BEND3: variants seen among roughly 807,000 people sequenced by gnomAD.
The protein encoded by BEND3 is BEN domain-containing protein 3.
A neutral mutation model predicts 60.1 loss-of-function variants in BEND3; 13 were observed. The ratio of observed to expected loss-of-function variants is 0.22; its 90% CI spans 0.14 to 0.34. The LOEUF (loss-of-function observed/expected upper bound fraction) is 0.34. BEND3 is among the 10% of genes least tolerant of loss of function. BEND3 has a pLI of 1.00. For synonymous variants in BEND3, 497 were observed against 491.5 expected, an observed-to-expected ratio of 1.01 and a Z score of -0.15; for missense variants, 896 against 1,138.1, an observed-to-expected ratio of 0.79 and a Z score of 3.06.
At chr6:107,096,093 C>A (rs1775579361) in intron 3 of BEND3, among the ~76,000 whole-genome samples, 1 of 152,116 alleles carries the variant, frequency 6.6e-6, no homozygotes, top group Non-Finnish European at 1.5e-5. Context: ...ATCTGGTATA[C>A]AATGTTGACA....
intron 3 of BEND3, among the ~76,000 whole-genome samples, chr6:107,089,591 A>G (rs1554234853): frequency 8.0e-6 from 1 of 125,182 alleles, no homozygotes; most frequent in African/African-American, 2.8e-5. Context: ...GTCTCGAAAA[A>G]AAAAAAGGAT....
chr6:107,081,027 T>C (rs557806301), intron 3 of BEND3, among the ~76,000 whole-genome samples: 1 of 152,218 alleles, frequency 6.6e-6, no homozygotes, highest in South Asian at 2.1e-4. Flanking sequence ...AGAGGCAGGA[T>C]CATTGCAGCC....
At position 107,098,652 on chromosome 6, in the gene BEND3, C is replaced by A. The variant is rs150917358; in HGVS notation, c.139G>T (p.Val47Phe). 2 of 1,613,858 alleles carry A rather than the reference C, an allele frequency of 1.2e-6. No individual in the cohort carries two copies. The highest frequency in any genetic ancestry group is 1.7e-6 in the Non-Finnish European group (2 of 1,180,034). The change falls in exon 3 of 4, where the codon GTC becomes TTC. Residue 47 changes from valine to phenylalanine, a missense_variant. Physicochemically the swap from Val to Phe is conservative, Grantham distance 50 (BLOSUM62 -1). Transcript: ENST00000369042. The part of the protein sequence containing the change: ...RTSEKHSVDS[V>F]LTALQDSSKR... ...CTGGAGTCCTGCAGGGCAGTGAGGA[C>A]GCTGTCCACAGAGTGCTTCTCAGAA...
chr6:107,098,987 T>C (rs1775648131), intron 2 of BEND3, among the ~76,000 whole-genome samples: 1 of 152,144 alleles, frequency 6.6e-6, no homozygotes, highest in Non-Finnish European at 1.5e-5. Flanking sequence ...GGTTTAAACA[T>C]CTTTTTTTGG....
At chr6:107,112,096 T>C (rs1175532841) in intron 1 of BEND3, among the ~76,000 whole-genome samples, 2 of 152,190 alleles carry the variant, frequency 1.3e-5, no homozygotes, top group African/African-American at 4.8e-5. Flanking sequence ...CTTCATACTC[T>C]ATGCTTCTAC....
intron 3 of BEND3, among the ~76,000 whole-genome samples, chr6:107,073,638 C>T (rs1349209879): frequency 3.3e-5 from 5 of 152,100 alleles, no homozygotes; most frequent in Admixed American, 6.5e-5. Context: ...GTGGCTCACA[C>T]CTGTAATCCC....
At chr6:107,073,115 T>A (rs906554400) in intron 3 of BEND3, among the ~76,000 whole-genome samples, 4 of 149,638 alleles carry the variant, frequency 2.7e-5, no homozygotes, top group African/African-American at 9.8e-5. Flanking sequence ...GAAAAACTAC[T>A]CCCTTAGTGA....
intron 3 of BEND3, among the ~76,000 whole-genome samples, chr6:107,082,039 A>G (rs563422563): frequency 3.2e-4 from 49 of 152,186 alleles, no homozygotes; most frequent in African/African-American, 1.1e-3. Context: ...ACTCCCTCCC[A>G]CCTTTGTGTG....
intron 3 of BEND3, among the ~76,000 whole-genome samples, chr6:107,088,611 C>A (rs1207289185): frequency 6.6e-6 from 1 of 152,002 alleles, no homozygotes; most frequent in African/African-American, 2.4e-5. Flanking sequence ...AGGTGGGGAA[C>A]AAAACACTTT....
At chr6:107,076,500 G>A (rs1016702530) in intron 3 of BEND3, among the ~76,000 whole-genome samples, 6 of 152,218 alleles carry the variant, frequency 3.9e-5, no homozygotes, top group Non-Finnish European at 5.9e-5. Flanking sequence ...TGGGTTACAA[G>A]TGAGGGGTAA....
At chr6:107,088,901 T>G (rs1241427226) in intron 3 of BEND3, among the ~76,000 whole-genome samples, 1 of 152,088 alleles carries the variant, frequency 6.6e-6, no homozygotes, top group Non-Finnish European at 1.5e-5. Context: ...ACACCTATAA[T>G]CTTACCACTT....
At position 107,068,522 on chromosome 6, in the gene BEND3, T is replaced by C. The variant is rs1279395022; in HGVS notation, c.*182A>G. ...AAGTTGTAAGTACAAGAGACCAAACTCAAGGCTTCTTTCTTGCGGTTGGGT... is the reference window on the plus strand; with the variant it reads ...AAGTTGTAAGTACAAGAGACCAAACCCAAGGCTTCTTTCTTGCGGTTGGGT... On this transcript the variant is annotated 3_prime_UTR_variant, in exon 4 of 4. Transcript: ENST00000369042. This position sits in a 1 kb window ranked among gnomAD's most constrained non-coding sequence, Gnocchi z 5.8. 1 of 687,820 alleles carries C rather than the reference T, an allele frequency of 1.5e-6. No individual in the cohort carries two copies. Among genetic ancestry groups the C allele is most frequent in the Non-Finnish European group, 2.4e-6 (1 of 422,432 alleles). The allele number at this position is 687,820 out of a possible 1,614,324, so 42.6% of individuals were successfully genotyped here.
intron 3 of BEND3, among the ~76,000 whole-genome samples, chr6:107,082,852 C>G (rs1337380867): frequency 6.6e-6 from 1 of 152,182 alleles, no homozygotes; most frequent in African/African-American, 2.4e-5. Context: ...TACTTGAAAA[C>G]TTGAAGTGAG....
At chr6:107,072,873 A>T (rs1775012510) in intron 3 of BEND3, among the ~76,000 whole-genome samples, 1 of 152,046 alleles carries the variant, frequency 6.6e-6, no homozygotes, top group Admixed American at 6.5e-5. Flanking sequence ...CTGTAGTCCC[A>T]GCTACTCAGG....
chr6:107,104,664 G>C lies in BEND3; in HGVS notation c.-11-5368C>G, dbSNP rs1314153626. On this transcript the variant is annotated intron_variant, in intron 1 of 3. Coordinates refer to ENST00000369042, the MANE Select transcript of BEND3 (RefSeq NM_001367314.1). The stretch of plus-strand genomic sequence containing the variant: ...TTTTTTCGTGGTGTAATTTTTTACT[G>C]GTTTTTCTTTTGGATTTTTTTTTTT... Among the ~76,000 whole-genome samples the C allele has an allele frequency of 2.0e-5, 3 of 151,208 alleles. No individual in the cohort carries two copies. In the East Asian group the frequency reaches 5.9e-4, roughly 29 times the overall value.
chr6:107,106,165 A>G (rs1401474663), intron 1 of BEND3: 1 of 152,244 alleles, frequency 6.6e-6, no homozygotes, highest in East Asian at 1.9e-4. Context: ...AATTAAACCT[A>G]GAAGAGGGGG....
Position 107,070,302 on chromosome 6 carries a change from G to A in BEND3, c.889C>T (p.Arg297Cys), listed in dbSNP as rs781925980. ...TGCAGGTGCAGCGACTCCAGCTTGC[G>A]CTTGGCCGCAAAGCCACAGGCACTG... Reference protein sequence around the residue: ...GCSACGFAAKRKLESLHLQLI... With the variant: ...GCSACGFAAKCKLESLHLQLI... Residue 297 changes from arginine (R) to cysteine (C), a missense_variant, in exon 4 of 4, where the codon CGC becomes TGC. Coordinates refer to ENST00000369042, the MANE Select transcript of BEND3 (RefSeq NM_001367314.1). The surrounding 1 kb of genome is among the most constrained non-coding windows in gnomAD (Gnocchi z 6.9). The A allele has an allele frequency of 2.0e-5, 32 of 1,612,928 alleles. No homozygotes were observed. Among genetic ancestry groups the A allele is most frequent in the South Asian group, 1.8e-4 (16 of 91,076 alleles).
chr6:107,073,257 ATATATATGTATG>A (rs1775028859), intron 3 of BEND3, among the ~76,000 whole-genome samples: 1 of 22,604 alleles, frequency 4.4e-5, no homozygotes, highest in African/African-American at 1.2e-4. Flanking sequence ...ATATATATAT[ATATATATGTATG>A]TGAGCAAATG....
chr6:107,097,722 A>G (rs1410873830), intron 3 of BEND3, among the ~76,000 whole-genome samples: 5 of 138,878 alleles, frequency 3.6e-5, no homozygotes, highest in Non-Finnish European at 7.7e-5. Flanking sequence ...CCTAGGAGGC[A>G]GAGGTTGCTG....
Sources: allele counts gnomAD v4.1 joint callset (sites outside exome capture counted in the v4.1 genomes callset), GRCh38; gene constraint gnomAD v4.1.1; non-coding constraint Gnocchi (gnomAD v3.1); transcripts MANE v1.5; gene names NCBI Gene and HGNC (gene_info 2026-07-23, HGNC 2026-07-21).